Variants in DLGAP2 observed in about 807,000 individuals in gnomAD.
DLGAP2 encodes the protein DLG associated protein 2.
DLGAP2 carries 26 observed loss-of-function variants against 100.3 expected under a neutral mutation model. That is an observed-to-expected ratio of 0.26 (90% CI 0.19 to 0.36). The LOEUF is 0.36. Among genes scored for constraint, DLGAP2 ranks in the 10% least tolerant of loss-of-function variants. The pLI, the probability that DLGAP2 is intolerant of heterozygous loss-of-function variation, is 1.00. For missense variants in DLGAP2, 1,858 were observed against 1,453.2 expected (o/e 1.28, Z -4.53); for synonymous variants, 886 against 630.1 (o/e 1.41, Z -6.08).
At chr8:1,662,593 C>G (rs1388432251) in intron 8 of DLGAP2, among the ~76,000 whole-genome samples, 1 of 152,260 alleles carries the variant, frequency 6.6e-6, no homozygotes, top group Non-Finnish European at 1.5e-5. Flanking sequence ...ATCTGAATCT[C>G]AGTTCTACCA....
At chr8:1,104,082 C>T (rs972778564) in intron 2 of DLGAP2, among the ~76,000 whole-genome samples, 4 of 152,178 alleles carry the variant, frequency 2.6e-5, no homozygotes, top group Admixed American at 1.3e-4. Flanking sequence ...ATCACCACAG[C>T]GAGATGTGTG....
At chr8:987,398 A>G (rs948099895) in intron 2 of DLGAP2, among the ~76,000 whole-genome samples, 1 of 152,154 alleles carries the variant, frequency 6.6e-6, no homozygotes, top group Non-Finnish European at 1.5e-5. Flanking sequence ...ATCGTGTGGA[A>G]GGAGGCATCA....
chr8:1,513,854 A>G (rs948701895), intron 4 of DLGAP2, among the ~76,000 whole-genome samples: 12 of 90,964 alleles, frequency 1.3e-4, no homozygotes, highest in Non-Finnish European at 2.8e-4. Flanking sequence ...CTTCCAGACA[A>G]TGGCGGTCGA....
chr8:1,250,412 C>T (rs566953097), intron 2 of DLGAP2: 1 of 152,184 alleles, frequency 6.6e-6, no homozygotes, highest in South Asian at 2.1e-4. Context: ...TCGCAGCCGT[C>T]TCCCAGCATG....
At chr8:813,748 C>CCAAAGAA (rs1471868190) in intron 1 of DLGAP2, among the ~76,000 whole-genome samples, 3 of 152,132 alleles carry the variant, frequency 2.0e-5, no homozygotes, top group African/African-American at 7.2e-5. Flanking sequence ...CCGAGTAGAA[C>CCAAAGAA]CAAAGAATCT....
intron 2 of DLGAP2, chr8:1,002,268 A>G (rs1261588116): frequency 6.6e-6 from 1 of 152,164 alleles, no homozygotes; most frequent in African/African-American, 2.4e-5. Context: ...CTTTCAACGA[A>G]CATCTCCAGG....
chr8:1,285,860 C>G (rs1407879888), intron 3 of DLGAP2, among the ~76,000 whole-genome samples: 1 of 152,110 alleles, frequency 6.6e-6, no homozygotes, highest in Admixed American at 6.5e-5. Context: ...CCCCACCAAT[C>G]CTTGCAAGGA....
intron 2 of DLGAP2, among the ~76,000 whole-genome samples, chr8:1,214,992 C>G (rs1268614753): frequency 6.6e-6 from 1 of 152,202 alleles, no homozygotes; most frequent in Non-Finnish European, 1.5e-5. Flanking sequence ...GCACTCTGTG[C>G]TCTTGTATCT....
chr8:1,497,649 A>G, intron 3 of DLGAP2, among the ~76,000 whole-genome samples: 1 of 152,200 alleles, frequency 6.6e-6, no homozygotes, highest in East Asian at 1.9e-4. Flanking sequence ...GATGCGGAAG[A>G]TGTAAGGAAG....
At chr8:1,373,752 C>G (rs1317868808) in intron 3 of DLGAP2, 1 of 152,218 alleles carries the variant, frequency 6.6e-6, no homozygotes, top group South Asian at 2.1e-4. Context: ...CGTGCCTTTC[C>G]CGTGTCTTCT....
At chr8:1,121,655 C>G (rs1188570805) in intron 2 of DLGAP2, among the ~76,000 whole-genome samples, 1 of 151,890 alleles carries the variant, frequency 6.6e-6, no homozygotes, top group Non-Finnish European at 1.5e-5. Context: ...CACCCATCCT[C>G]ATGTCTTCAG....
intron 4 of DLGAP2, among the ~76,000 whole-genome samples, chr8:1,508,276 A>C (rs1473917632): frequency 2.0e-4 from 18 of 90,496 alleles, no homozygotes; most frequent in East Asian, 6.4e-4. Context: ...GCCCCCTGCC[A>C]TACCCCGCAA....
intron 1 of DLGAP2, among the ~76,000 whole-genome samples, chr8:833,008 A>G (rs1197328246): frequency 6.6e-6 from 1 of 152,246 alleles, no homozygotes; most frequent in African/African-American, 2.4e-5. Context: ...AAATTCATGT[A>G]GATGAAGGTG....
At chr8:1,196,399 G>C (rs758063786) in intron 2 of DLGAP2, among the ~76,000 whole-genome samples, 1 of 152,206 alleles carries the variant, frequency 6.6e-6, no homozygotes, top group Admixed American at 6.5e-5. Context: ...ACACAGGGGA[G>C]AAGCCAGATA....
intron 3 of DLGAP2, among the ~76,000 whole-genome samples, chr8:1,425,405 G>A (rs550830185): frequency 5.9e-5 from 9 of 152,142 alleles, no homozygotes; most frequent in African/African-American, 1.2e-4. Context: ...TTTGCTACTC[G>A]ACAGCATCGC....
Position 1,418,917 on chromosome 8 carries a change from T to C in DLGAP2, c.107-82449T>C, listed in dbSNP as rs957874985. 3.9e-5 allele frequency among the ~76,000 whole-genome samples: 6 copies of C among 152,226 alleles called. 1 individual carries two copies. The highest frequency in any genetic ancestry group is 1.4e-4 in the African/African-American group (6 of 41,464). On this transcript the variant is annotated intron_variant, in intron 3 of 14. Coordinates refer to ENST00000637795, the MANE Select transcript of DLGAP2 (RefSeq NM_001346810.2). Reference sequence around the variant, plus strand: ...CTCTACCTCCAGTTCAGTGATTTGCTTGAATGGCTCACAGAACTCGGGGAA... The same window carrying C: ...CTCTACCTCCAGTTCAGTGATTTGCCTGAATGGCTCACAGAACTCGGGGAA...
chr8:1,263,910 A>C (rs1471449800), intron 3 of DLGAP2, among the ~76,000 whole-genome samples: 1 of 152,166 alleles, frequency 6.6e-6, no homozygotes, highest in African/African-American at 2.4e-5. Flanking sequence ...TTGTTGCTTA[A>C]GAACTAAAAA....
chr8:1,173,436 C>T (rs989263794), intron 2 of DLGAP2, among the ~76,000 whole-genome samples: 3 of 152,206 alleles, frequency 2.0e-5, no homozygotes, highest in Non-Finnish European at 2.9e-5. Flanking sequence ...ACATTTAAGT[C>T]TGCAGAGGCT....
intron 2 of DLGAP2, among the ~76,000 whole-genome samples, chr8:1,219,687 T>A (rs1247594325): frequency 6.6e-6 from 1 of 152,126 alleles, no homozygotes; most frequent in Non-Finnish European, 1.5e-5. Flanking sequence ...TTTGTTGGTT[T>A]TGTACCAGCT....
Sources: gnomAD v4.1 joint callset for allele counts (sites outside exome capture counted in the v4.1 genomes callset) on GRCh38, gnomAD v4.1.1 for gene constraint, MANE v1.5 for transcripts, NCBI Gene and HGNC (gene_info 2026-07-23, HGNC 2026-07-21) for gene names.